The following MED27 variants were observed in gnomAD, a reference collection of about 807,000 sequenced individuals.
MED27 encodes the protein mediator of RNA polymerase II transcription subunit 27.
Under a neutral mutation model 38.2 loss-of-function variants are expected in MED27, and 30 were observed. The observed-to-expected ratio is 0.79, with a 90% CI of 0.59 to 1.07. The LOEUF is 1.07. Among genes scored for constraint, MED27 ranks in the 50% least tolerant of loss-of-function variants. The pLI is 0.00. For missense variants in MED27, 289 were observed against 397.5 expected (o/e 0.73, Z 2.32); for synonymous variants, 122 against 153.5 (o/e 0.79, Z 1.52).
rs1211404354 is a variant in MED27 at position 131,913,699 on chromosome 9, T to C, written c.574-19707A>G. ...TGTATTGTCCATGGCTAGGTGGCAG[T>C]AGGTTTCTCCAGGTGTGGACCCCAG... On this transcript the variant is annotated intron_variant, in intron 4 of 7. Transcript: ENST00000292035. This position sits in a 1 kb window ranked among gnomAD's most constrained non-coding sequence, Gnocchi z 4.5. 6.6e-6 allele frequency among the ~76,000 whole-genome samples: 1 copy of C among 152,136 alleles called. No individual in the cohort carries two copies. Among genetic ancestry groups the C allele is most frequent in the Non-Finnish European group, 1.5e-5 (1 of 68,014 alleles).
intron 3 of MED27, among the ~76,000 whole-genome samples, chr9:131,994,357 C>T (rs1589254986): frequency 6.6e-6 from 1 of 152,154 alleles, no homozygotes; most frequent in South Asian, 2.1e-4. Context: ...TCTGATACAC[C>T]CTGCTTCTGC....
At chr9:131,906,343 A>G (rs1297700111) in intron 4 of MED27, among the ~76,000 whole-genome samples, 1 of 152,240 alleles carries the variant, frequency 6.6e-6, no homozygotes, top group Non-Finnish European at 1.5e-5. Flanking sequence ...TTCAAGTTTG[A>G]TTGAAACCTA....
chr9:131,895,393 C>A (rs1829814445), intron 4 of MED27, among the ~76,000 whole-genome samples: 1 of 152,164 alleles, frequency 6.6e-6, no homozygotes, highest in African/African-American at 2.4e-5. Flanking sequence ...CAATCCTGAT[C>A]CTTCAACTCC....
At chr9:131,908,050 C>A (rs1424813691) in intron 4 of MED27, among the ~76,000 whole-genome samples, 1 of 149,142 alleles carries the variant, frequency 6.7e-6, no homozygotes, top group Non-Finnish European at 1.5e-5. Context: ...AGTGAGGAGT[C>A]TCTCCGCCCG....
rs188957904 is a variant in MED27, at chr9:131,903,461, C to A, written c.574-9469G>T. Among the ~76,000 whole-genome samples the A allele has an allele frequency of 7.9e-5, 12 of 152,272 alleles. No homozygotes were observed. The East Asian group carries it at 1.5e-3, about 20-fold the overall frequency. On this transcript the variant is annotated intron_variant, in intron 4 of 7. Transcript: ENST00000292035. Reference sequence around the variant, plus strand: ...GCCAAACCATATCACAGGTGTTACCCCATTAGTCCCCTCGGCACAGGGAAA... The same window carrying A: ...GCCAAACCATATCACAGGTGTTACCACATTAGTCCCCTCGGCACAGGGAAA...
At chr9:131,884,410 A>C (rs76002435) in intron 5 of MED27, among the ~76,000 whole-genome samples, 3 of 152,076 alleles carry the variant, frequency 2.0e-5, no homozygotes, top group Admixed American at 2.0e-4. Flanking sequence ...GCTCTTGCAT[A>C]TCTCAATGCC....
At chr9:132,069,677 CA>C (rs1456140131) in intron 2 of MED27, among the ~76,000 whole-genome samples, 2 of 152,226 alleles carry the variant, frequency 1.3e-5, no homozygotes, top group Admixed American at 1.3e-4. Context: ...CCTCGGATTA[CA>C]ATTTTGTTTC....
chr9:131,908,739 C>CG (rs1239802280), intron 4 of MED27, among the ~76,000 whole-genome samples: 3 of 152,090 alleles, frequency 2.0e-5, no homozygotes, highest in Non-Finnish European at 2.9e-5. Context: ...ACAAACACTG[C>CG]GGAAGGCCGC....
rs1328491468 is a variant in MED27, at chr9:131,881,781, T to G, written c.723+2277A>C. On this transcript the variant is annotated intron_variant, in intron 6 of 7. Transcript: ENST00000292035. ...ACCCCTCCCTCCCTCCTTCCCTCCC[T>G]CCCTTCCTTCTTCTTCTTCTTTTTT... is the stretch of plus-strand genomic sequence containing the variant. 1.0e-4 allele frequency among the ~76,000 whole-genome samples: 13 copies of G among 127,992 alleles called. No homozygotes were observed. The East Asian group carries it at 2.9e-3, about 29-fold the overall frequency. 84.0% of individuals were successfully genotyped at this position (127,992 alleles called of 152,430 possible).
intron 3 of MED27, among the ~76,000 whole-genome samples, chr9:131,998,293 T>C (rs1404937049): frequency 6.6e-6 from 1 of 151,056 alleles, no homozygotes; most frequent in Non-Finnish European, 1.5e-5. Flanking sequence ...TTTTTTTTTT[T>C]CCTTCCTCCT....
intron 6 of MED27, among the ~76,000 whole-genome samples, chr9:131,882,064 C>A (rs1589181770): frequency 6.6e-6 from 1 of 152,008 alleles, no homozygotes; most frequent in Admixed American, 6.6e-5. Context: ...CCATTAGTAA[C>A]CTCTTTCTGT....
intron 6 of MED27, among the ~76,000 whole-genome samples, chr9:131,863,356 G>A (rs899874636): frequency 5.9e-5 from 9 of 152,228 alleles, no homozygotes; most frequent in Non-Finnish European, 1.0e-4. Flanking sequence ...ATGCAGGCCT[G>A]GAGGCAGGGG....
At chr9:132,048,495 C>A (rs1833394813) in intron 2 of MED27, among the ~76,000 whole-genome samples, 1 of 152,158 alleles carries the variant, frequency 6.6e-6, no homozygotes, top group Non-Finnish European at 1.5e-5. Flanking sequence ...TCTCTGTGGA[C>A]AATTACAGAA....
At chr9:131,935,580 A>G (rs1264630726) in intron 4 of MED27, among the ~76,000 whole-genome samples, 1 of 152,178 alleles carries the variant, frequency 6.6e-6, no homozygotes, top group Non-Finnish European at 1.5e-5. Flanking sequence ...AACAATATAC[A>G]TAGTATGATA....
At chr9:131,961,653 C>T (rs978958121) in intron 3 of MED27, among the ~76,000 whole-genome samples, 1 of 152,188 alleles carries the variant, frequency 6.6e-6, no homozygotes, top group Admixed American at 6.5e-5. Flanking sequence ...CAGCAGGGCA[C>T]AGGACAGAAC....
intron 6 of MED27, among the ~76,000 whole-genome samples, chr9:131,871,941 G>A (rs1366363001): frequency 2.0e-5 from 3 of 152,108 alleles, no homozygotes. Flanking sequence ...TCTAAAACAG[G>A]GGCCCTTGTA....
chr9:131,996,578 T>C (rs1045991107), intron 3 of MED27, among the ~76,000 whole-genome samples: 1 of 152,214 alleles, frequency 6.6e-6, no homozygotes, highest in East Asian at 1.9e-4. Flanking sequence ...ATTGTAGAAG[T>C]AGAACTGAGC....
At chr9:131,992,728 C>G (rs1832004234) in intron 3 of MED27, among the ~76,000 whole-genome samples, 1 of 152,158 alleles carries the variant, frequency 6.6e-6, no homozygotes, top group African/African-American at 2.4e-5. Context: ...GAGGAATGCA[C>G]ATATTCATAC....
intron 4 of MED27, among the ~76,000 whole-genome samples, chr9:131,894,713 T>C (rs1439915401): frequency 2.6e-5 from 4 of 152,036 alleles, no homozygotes; most frequent in South Asian, 2.1e-4. Flanking sequence ...GCACCAAGAA[T>C]AGAAACAGCA....
Sources: gnomAD v4.1 joint callset for allele counts (sites outside exome capture counted in the v4.1 genomes callset) on GRCh38, gnomAD v4.1.1 for gene constraint, Gnocchi (gnomAD v3.1) non-coding constraint, MANE v1.5 for transcripts, NCBI Gene and HGNC (gene_info 2026-07-23, HGNC 2026-07-21) for gene names.